The following SPRED1 variants were observed in gnomAD, a reference collection of about 807,000 sequenced individuals.
The protein encoded by SPRED1 is sprouty-related, EVH1 domain-containing protein 1.
SPRED1 carries 18 observed loss-of-function variants against 52.3 expected under a neutral mutation model. The ratio of observed to expected loss-of-function variants is 0.34; its 90% confidence interval spans 0.24 to 0.51. The LOEUF (loss-of-function observed/expected upper bound fraction) is 0.51. Ranked by LOEUF, SPRED1 falls within the 20% of genes least tolerant of loss-of-function variation. The probability of loss-of-function intolerance (pLI) is 0.97; values close to 1 mark genes in which losing one functional copy is unlikely to be tolerated. For synonymous variants in SPRED1, 155 were observed against 179.7 expected, an observed-to-expected ratio of 0.86 and a Z score of 1.10; for missense variants, 485 against 551.0, an observed-to-expected ratio of 0.88 and a Z score of 1.20.
chr15:38,257,149 C>T (rs1172066689), intron 1 of SPRED1, among the ~76,000 whole-genome samples: 1 of 152,160 alleles, frequency 6.6e-6, no homozygotes, highest in Admixed American at 6.5e-5. Flanking sequence ...CTCTCTTCCC[C>T]TCTTTCAACA....
intron 1 of SPRED1, among the ~76,000 whole-genome samples, chr15:38,273,845 A>C (rs759713040): frequency 6.6e-6 from 1 of 152,128 alleles, no homozygotes; most frequent in African/African-American, 2.4e-5. Flanking sequence ...CGACTCCTTA[A>C]ATAAGTTGTC....
At chr15:38,300,247 A>T (rs1016750383) in intron 2 of SPRED1, among the ~76,000 whole-genome samples, 1 of 152,080 alleles carries the variant, frequency 6.6e-6, no homozygotes, top group South Asian at 2.1e-4. Flanking sequence ...TCTTTGTTTC[A>T]TTTGTGGGCC....
At chr15:38,337,463 A>C (rs1323512032) in intron 4 of SPRED1, among the ~76,000 whole-genome samples, 1 of 152,192 alleles carries the variant, frequency 6.6e-6, no homozygotes, top group African/African-American at 2.4e-5. Context: ...GTGTGTAGCT[A>C]TAAATTCACT....
At chr15:38,299,005 C>T (rs184378246) in intron 1 of SPRED1, among the ~76,000 whole-genome samples, 1 of 152,248 alleles carries the variant, frequency 6.6e-6, no homozygotes, top group African/African-American at 2.4e-5. Flanking sequence ...AATATTGTAG[C>T]AAATGGACAT....
chr15:38,267,236 A>G (rs951409726), intron 1 of SPRED1, among the ~76,000 whole-genome samples: 2 of 11,450 alleles, frequency 1.7e-4, no homozygotes, highest in Admixed American at 2.6e-3. Flanking sequence ...TTAAATAATC[A>G]TTTTAGTACT....
intron 1 of SPRED1, among the ~76,000 whole-genome samples, chr15:38,269,580 T>C (rs866229337): frequency 4.6e-5 from 7 of 152,228 alleles, no homozygotes; most frequent in Middle Eastern, 3.4e-3. Context: ...TGTCTCTCAC[T>C]GTTTTTTCCA....
intron 1 of SPRED1, among the ~76,000 whole-genome samples, chr15:38,256,395 G>T (rs1894097753): frequency 6.6e-6 from 1 of 151,970 alleles, no homozygotes; most frequent in Non-Finnish European, 1.5e-5. Context: ...ACATTTAAAG[G>T]CATATTATAT....
At chr15:38,297,833 A>G (rs972192309) in intron 1 of SPRED1, among the ~76,000 whole-genome samples, 1 of 152,164 alleles carries the variant, frequency 6.6e-6, no homozygotes, top group Non-Finnish European at 1.5e-5. Flanking sequence ...CTGTTATTTC[A>G]CACGTAAGTT....
intron 1 of SPRED1, among the ~76,000 whole-genome samples, chr15:38,289,463 C>T (rs1894877054): frequency 6.6e-6 from 1 of 151,726 alleles, no homozygotes; most frequent in African/African-American, 2.4e-5. Context: ...ATGTCCTGCC[C>T]CTCCCCAAAG....
chr15:38,298,737 A>G (rs1895090974), intron 1 of SPRED1, among the ~76,000 whole-genome samples: 1 of 152,226 alleles, frequency 6.6e-6, no homozygotes, highest in Admixed American at 6.5e-5. Flanking sequence ...AGAAAAATAT[A>G]AACTGGTTAG....
chr15:38,346,717 T>C (rs1326288956), intron 5 of SPRED1, among the ~76,000 whole-genome samples: 8 of 152,188 alleles, frequency 5.3e-5, no homozygotes, highest in African/African-American at 1.9e-4. Context: ...GTACAAACTT[T>C]CTTGTCCGCA....
At position 38,253,000 on chromosome 15, in the gene SPRED1, C is replaced by T; in HGVS notation, c.-186C>T. The T allele has an allele frequency of 3.2e-6, 2 of 623,356 alleles. No individual in the cohort carries two copies. The highest frequency in any genetic ancestry group is 2.7e-5 in the East Asian group (1 of 36,368). The allele number at this position is 623,356 out of a possible 1,614,324, so 38.6% of individuals were successfully genotyped here. On this transcript the variant is annotated 5_prime_UTR_variant, in exon 1 of 7. Transcript: ENST00000299084. ...GGAGGTTGCTGCCGCCACCCCCCTG[C>T]GGGGGTGGCCGGGGTTCCCGGCTGG...
chr15:38,262,854 C>G (rs1234479360), intron 1 of SPRED1, among the ~76,000 whole-genome samples: 1 of 152,134 alleles, frequency 6.6e-6, no homozygotes, highest in Non-Finnish European at 1.5e-5. Context: ...AGCTACCTTC[C>G]CTCCTCACCA....
intron 1 of SPRED1, among the ~76,000 whole-genome samples, chr15:38,281,960 G>A (rs960982395): frequency 4.6e-5 from 7 of 152,174 alleles, no homozygotes; most frequent in Admixed American, 6.5e-5. Context: ...GGGTAAAGCC[G>A]ATTTTATTGC....
chr15:38,318,278 G>A (rs1410203473), intron 2 of SPRED1, among the ~76,000 whole-genome samples: 2 of 151,990 alleles, frequency 1.3e-5, no homozygotes, highest in African/African-American at 4.8e-5. Context: ...TTGAGATCTA[G>A]TTTATAATTA....
chr15:38,345,672 C>T (rs1304373231), intron 5 of SPRED1, among the ~76,000 whole-genome samples: 1 of 152,110 alleles, frequency 6.6e-6, no homozygotes, highest in Non-Finnish European at 1.5e-5. Flanking sequence ...ATATGTTGTC[C>T]ACTCGGTGGG....
intron 6 of SPRED1, among the ~76,000 whole-genome samples, chr15:38,349,831 A>C (rs147899328): frequency 6.6e-6 from 1 of 152,290 alleles, no homozygotes; most frequent in Non-Finnish European, 1.5e-5. Flanking sequence ...CCCTAATTCC[A>C]TGTATCTAGG....
intron 5 of SPRED1, among the ~76,000 whole-genome samples, chr15:38,344,042 G>A (rs555529297): frequency 9.8e-4 from 149 of 152,050 alleles, no homozygotes; most frequent in Non-Finnish European, 1.9e-3. Flanking sequence ...GCATATTTTC[G>A]CTAGAGATTT....
intron 2 of SPRED1, among the ~76,000 whole-genome samples, chr15:38,300,247 A>G (rs1016750383): frequency 6.6e-6 from 1 of 152,080 alleles, no homozygotes; most frequent in African/African-American, 2.4e-5. Flanking sequence ...TCTTTGTTTC[A>G]TTTGTGGGCC....
Sources: allele counts gnomAD v4.1 joint callset (sites outside exome capture counted in the v4.1 genomes callset), GRCh38; gene constraint gnomAD v4.1.1; transcripts MANE v1.5; gene names NCBI Gene and HGNC (gene_info 2026-07-23, HGNC 2026-07-21).